The following HDAC9 variants were observed in gnomAD, a reference collection of about 807,000 sequenced individuals.
HDAC9 encodes the protein MEF-2 interacting transcription repressor (MITR) protein.
HDAC9 carries 41 observed loss-of-function variants against 139.4 expected under a neutral mutation model. The observed-to-expected ratio is 0.29, with a 90% CI of 0.23 to 0.38. The LOEUF (loss-of-function observed/expected upper bound fraction) is 0.38, where lower values mean the gene tolerates loss of function less well. HDAC9 is among the 10% of genes least tolerant of loss of function. The pLI is 1.00. For missense variants in HDAC9, 1,147 were observed against 1,297.0 expected (o/e 0.88, Z 1.78); for synonymous variants, 517 against 476.2 (o/e 1.09, Z -1.12).
intron 24 of HDAC9, among the ~76,000 whole-genome samples, chr7:18,957,282 A>G (rs1221564823): frequency 6.6e-6 from 1 of 152,150 alleles, no homozygotes; most frequent in Admixed American, 6.5e-5. Context: ...CCACTCTTCT[A>G]TGCTAAAGGA....
chr7:18,736,283 T>G (rs1395832029), intron 13 of HDAC9, among the ~76,000 whole-genome samples: 1 of 152,230 alleles, frequency 6.6e-6, no homozygotes, highest in Non-Finnish European at 1.5e-5. Flanking sequence ...TAAATAGGAA[T>G]GGTGAGAGAG....
chr7:18,307,234 G>A (rs1346555802), intron 1 of HDAC9, among the ~76,000 whole-genome samples: 1 of 151,558 alleles, frequency 6.6e-6, no homozygotes, highest in Non-Finnish European at 1.5e-5. Flanking sequence ...TTGAGTCCGT[G>A]GGCAAGTAAT....
intron 13 of HDAC9, among the ~76,000 whole-genome samples, chr7:18,736,861 T>C (rs1237802182): frequency 6.6e-6 from 1 of 152,172 alleles, no homozygotes; most frequent in Non-Finnish European, 1.5e-5. Flanking sequence ...ATCCATCTGG[T>C]ATTGGACTTT....
At chr7:18,455,463 T>C (rs1037984767) in intron 1 of HDAC9, among the ~76,000 whole-genome samples, 1 of 152,228 alleles carries the variant, frequency 6.6e-6, no homozygotes, top group African/African-American at 2.4e-5. Flanking sequence ...AAAAAGAATT[T>C]TGTTACTGGT....
At chr7:18,556,785 A>G (rs895281803) in intron 2 of HDAC9, among the ~76,000 whole-genome samples, 2 of 152,084 alleles carry the variant, frequency 1.3e-5, no homozygotes, top group Admixed American at 6.5e-5. Flanking sequence ...TGCTGCATAC[A>G]TAATTCCTTG....
intron 21 of HDAC9, among the ~76,000 whole-genome samples, chr7:18,856,184 G>A (rs1393311552): frequency 2.0e-5 from 3 of 152,048 alleles, no homozygotes; most frequent in African/African-American, 7.2e-5. Context: ...ATAGGTTCAC[G>A]CTAAGGCTCA....
At chr7:18,943,585 T>C (rs1782168730) in intron 23 of HDAC9, among the ~76,000 whole-genome samples, 1 of 152,116 alleles carries the variant, frequency 6.6e-6, no homozygotes, top group African/African-American at 2.4e-5. Flanking sequence ...CCTCCTTTCA[T>C]TCATTGGCTG....
intron 7 of HDAC9, among the ~76,000 whole-genome samples, chr7:18,631,763 A>G (rs1037031357): frequency 7.2e-5 from 11 of 151,736 alleles, no homozygotes; most frequent in African/African-American, 2.7e-4. Context: ...CTTCTCTGCC[A>G]TTCTCCCTAC....
chr7:18,766,158 A>G (rs189964149), intron 15 of HDAC9, among the ~76,000 whole-genome samples: 15 of 152,314 alleles, frequency 9.8e-5, no homozygotes, highest in Admixed American at 2.0e-4. Context: ...GGTGAATTGG[A>G]AATTTGTACC....
At chr7:18,265,621 TTAAATAAA>T (rs145596359) in intron 2 of HDAC9, among the ~76,000 whole-genome samples, 1 of 151,454 alleles carries the variant, frequency 6.6e-6, no homozygotes, top group South Asian at 2.1e-4. Context: ...TTAAAGGTAT[TTAAATAAA>T]TAAATAAATA....
At chr7:18,776,081 G>C (rs866336713) in intron 16 of HDAC9, among the ~76,000 whole-genome samples, 1 of 152,006 alleles carries the variant, frequency 6.6e-6, no homozygotes, top group Non-Finnish European at 1.5e-5. Context: ...TAGGAATACA[G>C]GTACACACCA....
chr7:18,440,261 C>T (rs932529461), intron 1 of HDAC9, among the ~76,000 whole-genome samples: 13 of 151,260 alleles, frequency 8.6e-5, no homozygotes, highest in African/African-American at 3.2e-4. Context: ...CTCGGCTCAC[C>T]GCAAACTCCG....
exon 1 of HDAC9, chr7:18,087,040 C>G (rs1781836206): frequency 6.6e-6 from 1 of 151,798 alleles, no homozygotes. Context: ...GCCGGTAAAT[C>G]TCGGCTGGAG....
intron 6 of HDAC9, among the ~76,000 whole-genome samples, chr7:18,601,112 G>T (rs187506487): frequency 2.0e-5 from 3 of 152,146 alleles, no homozygotes; most frequent in Non-Finnish European, 4.4e-5. Context: ...CCATGAATAC[G>T]AATAATTCTT....
In HDAC9 at chr7:18,671,104, G is replaced by T. The variant is rs188251957; in HGVS notation, c.1731+4628G>T. On this transcript the variant is annotated intron_variant, in intron 12 of 25. Coordinates refer to ENST00000686413, the MANE Select transcript of HDAC9 (RefSeq NM_178425.4). ...TTCTTAGCTTCATTCCCAAACTAAC[G>T]CAAAGAAAGTCCAGTTTCTAAGCCA... Among the ~76,000 whole-genome samples, 3 of 151,944 alleles carry T rather than the reference G, an allele frequency of 2.0e-5. No homozygotes were observed. In the East Asian group the frequency reaches 5.8e-4, roughly 30 times the overall value.
At chr7:18,977,921 C>CAGACAG (rs1272987987) in intron 25 of HDAC9, among the ~76,000 whole-genome samples, 52 of 36,964 alleles carry the variant, frequency 1.4e-3, no homozygotes, top group African/African-American at 3.4e-3. Flanking sequence ...GACAGACAGA[C>CAGACAG]ACACACACAC....
chr7:18,749,570 T>C lies in HDAC9; in HGVS notation c.2043+432T>C, dbSNP rs56336538. On this transcript the variant is annotated intron_variant, in intron 14 of 25. Transcript: ENST00000686413. ...TCAACTGTCCTCTTACCACTAAAAGTCATTTCTTTTTATTGAAATGATTGA... is the reference window on the plus strand; with the variant it reads ...TCAACTGTCCTCTTACCACTAAAAGCCATTTCTTTTTATTGAAATGATTGA... Among the ~76,000 whole-genome samples the C allele has an allele frequency of 9.9e-3, 1,510 of 152,338 alleles. 14 individuals are homozygous for C. The highest frequency in any genetic ancestry group is 0.014 in the Middle Eastern group (4 of 294).
chr7:18,258,850 T>A (rs537309187), intron 2 of HDAC9, among the ~76,000 whole-genome samples: 1 of 152,192 alleles, frequency 6.6e-6, no homozygotes, highest in Non-Finnish European at 1.5e-5. Context: ...TAATTTTGAA[T>A]TACATCTCCT....
intron 1 of HDAC9, among the ~76,000 whole-genome samples, chr7:18,094,615 A>G (rs1292057396): frequency 1.3e-5 from 2 of 152,006 alleles, no homozygotes; most frequent in Middle Eastern, 3.4e-3. Context: ...AAAATTATTT[A>G]TTGTTTATTT....
Sources: gnomAD v4.1 joint callset for allele counts (sites outside exome capture counted in the v4.1 genomes callset) on GRCh38, gnomAD v4.1.1 for gene constraint, MANE v1.5 for transcripts, NCBI Gene and HGNC (gene_info 2026-07-23, HGNC 2026-07-21) for gene names.